DMTF1: variants seen among roughly 807,000 people sequenced by gnomAD.
The protein encoded by DMTF1 is cyclin D binding myb like transcription factor 1, also known as cyclin-D-binding Myb-like transcription factor 1.
In DMTF1, 39 loss-of-function variants were observed where a neutral mutation model predicts 91.1. The observed-to-expected ratio is 0.43, with a 90% CI of 0.33 to 0.56. The LOEUF (loss-of-function observed/expected upper bound fraction) is 0.56. DMTF1 is among the 20% of genes least tolerant of loss of function. The pLI, the probability that DMTF1 is intolerant of heterozygous loss-of-function variation, is 0.05. For missense variants in DMTF1, 750 were observed against 914.5 expected, an observed-to-expected ratio of 0.82 and a Z score of 2.32; for synonymous variants, 338 against 309.5, an observed-to-expected ratio of 1.09 and a Z score of -0.97.
At position 87,193,193 on chromosome 7, in the gene DMTF1, T is replaced by G. The variant is rs766521543; in HGVS notation, c.1495-5T>G. 6.2e-7 allele frequency: 1 copy of G among 1,612,888 alleles called. No homozygotes were observed. The highest frequency in any genetic ancestry group is 1.1e-5 in the South Asian group (1 of 91,022). The stretch of plus-strand genomic sequence containing the variant: ...TTGTTAAACTATCTTTCCTTTTTCC[T>G]TTAGTCTTTCCATCTACAGCCCACT... On this transcript the variant is annotated splice_polypyrimidine_tract_variant and splice_region_variant and intron_variant, in intron 14 of 17. Coordinates refer to ENST00000331242, the MANE Select transcript of DMTF1 (RefSeq NM_001142327.2).
At chr7:87,178,854 A>G (rs1156872003) in intron 7 of DMTF1, among the ~76,000 whole-genome samples, 1 of 151,172 alleles carries the variant, frequency 6.6e-6, no homozygotes, top group Non-Finnish European at 1.5e-5. Context: ...AATGTCATCT[A>G]TGTCATGTGG....
intron 12 of DMTF1, chr7:87,187,047 G>T (rs377372242): frequency 2.0e-5 from 3 of 152,148 alleles, no homozygotes; most frequent in African/African-American, 7.2e-5. Context: ...GAGATCTTAA[G>T]TTGGGTTTGC....
In DMTF1 at chr7:87,194,697, C is replaced by G. The variant is rs1309503420; in HGVS notation, c.2042C>G (p.Pro681Arg). Residue 681 changes from proline (P) to arginine (R), a missense_variant, in exon 17 of 18, where the codon CCC becomes CGC. Physicochemically the swap from Pro to Arg is moderately radical, Grantham distance 103 (BLOSUM62 -2). This residue lies in a region of DMTF1 where 410 missense variants were observed against 420.2 expected (regional missense o/e 0.98). Coordinates refer to ENST00000331242, the MANE Select transcript of DMTF1 (RefSeq NM_001142327.2). ...SAYVTEGLES[P>R]TIEEQVDQTI... ...AATGTTATTTAGGGTTTAGAGTCTC[C>G]CACTATAGAAGAACAAGTTGATCAA... is the stretch of plus-strand genomic sequence containing the variant. 1.2e-6 allele frequency: 2 copies of G among 1,606,844 alleles called. No homozygotes were observed. Among genetic ancestry groups the G allele is most frequent in the East Asian group, 4.5e-5 (2 of 44,682 alleles).
chr7:87,191,994 AC>A (rs1799929664), intron 14 of DMTF1, among the ~76,000 whole-genome samples: 1 of 152,098 alleles, frequency 6.6e-6, no homozygotes, highest in South Asian at 2.1e-4. Context: ...AGCTTACTTA[AC>A]CTAAGTCAGT....
rs536166135 is a variant in DMTF1, at chr7:87,176,551, G to A, written c.519+1882G>A. ...CTGTTTCAGTAGACCAACTGATTGTGGCAAAGGACTTAAACTACAGTGGTA... is the reference window on the plus strand; with the variant it reads ...CTGTTTCAGTAGACCAACTGATTGTAGCAAAGGACTTAAACTACAGTGGTA... On this transcript the variant is annotated intron_variant, in intron 7 of 17. Transcript: ENST00000331242. 9.9e-5 allele frequency among the ~76,000 whole-genome samples: 15 copies of A among 152,198 alleles called. No homozygotes were observed. The South Asian group carries it at 3.1e-3, about 32-fold the overall frequency.
intron 14 of DMTF1, 77 bp from the exon 15 acceptor site, chr7:87,193,119 TAG>T: frequency 1.4e-6 from 2 of 1,478,450 alleles, no homozygotes; most frequent in Non-Finnish European, 1.9e-6. Context: ...CATTTGTGTC[TAG>T]TAAACTAAAC....
At chr7:87,191,902 G>A (rs898499392) in intron 14 of DMTF1, among the ~76,000 whole-genome samples, 2 of 152,014 alleles carry the variant, frequency 1.3e-5, no homozygotes, top group East Asian at 1.9e-4. Flanking sequence ...AGAACACAGA[G>A]TTATTATTAG....
At chr7:87,178,195 A>G (rs967949633) in intron 7 of DMTF1, among the ~76,000 whole-genome samples, 1 of 152,102 alleles carries the variant, frequency 6.6e-6, no homozygotes, top group East Asian at 1.9e-4. Flanking sequence ...AACTTGCCTA[A>G]GTTCTGATGC....
intron 12 of DMTF1, chr7:87,187,156 T>C (rs1798635787): frequency 6.6e-6 from 1 of 152,232 alleles, no homozygotes. Context: ...ATTCCCCTTA[T>C]TATAGCACTC....
chr7:87,162,033 A>G (rs534806425), intron 1 of DMTF1, among the ~76,000 whole-genome samples: 6 of 152,342 alleles, frequency 3.9e-5, no homozygotes, highest in African/African-American at 1.4e-4. Flanking sequence ...AAAATTGGGA[A>G]CAACATAAAT....
intron 1 of DMTF1, among the ~76,000 whole-genome samples, chr7:87,160,814 A>G (rs181896343): frequency 7.5e-4 from 114 of 152,248 alleles, no homozygotes; most frequent in African/African-American, 2.7e-3. Flanking sequence ...TTTCTCCTGC[A>G]TCTCTCTAGC....
rs1801122540 is a variant in DMTF1 at position 87,195,870 on chromosome 7, C to T, written c.*730C>T. On this transcript the variant is annotated 3_prime_UTR_variant, in exon 18 of 18. Transcript: ENST00000331242. The stretch of plus-strand genomic sequence containing the variant: ...ACAAAGTTAGCACTTTGAAGTAAAA[C>T]TAAATGAGGAAGGAAGTAATGTTAC... 2 of 152,420 alleles carry T rather than the reference C, an allele frequency of 1.3e-5. No homozygotes were observed. Among genetic ancestry groups the T allele is most frequent in the Admixed American group, 1.3e-4 (2 of 15,244 alleles). The allele number at this position is 152,420 out of a possible 1,614,324, so 9.4% of individuals were successfully genotyped here.
intron 1 of DMTF1, among the ~76,000 whole-genome samples, chr7:87,157,979 A>G (rs1218048237): frequency 6.6e-6 from 1 of 152,098 alleles, no homozygotes; most frequent in Admixed American, 6.5e-5. Flanking sequence ...AAGAAATATG[A>G]TGCATTAAAG....
intron 1 of DMTF1, among the ~76,000 whole-genome samples, chr7:87,161,183 A>G (rs73206922): frequency 0.026 from 3,958 of 152,258 alleles, 79 homozygotes; most frequent in East Asian, 0.065. Flanking sequence ...ATAGGGGAAA[A>G]AAGGTGAGTC....
chr7:87,155,911 C>G (rs994552784), intron 1 of DMTF1, among the ~76,000 whole-genome samples: 2 of 152,120 alleles, frequency 1.3e-5, no homozygotes, highest in Admixed American at 1.3e-4. Context: ...GTCATTCTTC[C>G]AAGCACCAGT....
At chr7:87,179,766 AT>A in intron 8 of DMTF1, 64 bp downstream of exon 8, 4 of 1,429,888 alleles carry the variant, frequency 2.8e-6, no homozygotes, top group Non-Finnish European at 3.8e-6. Context: ...GGAACTGTCC[AT>A]TTTTTTAAAC....
At chr7:87,153,127 C>A (rs901113522) in intron 1 of DMTF1, among the ~76,000 whole-genome samples, 1 of 151,918 alleles carries the variant, frequency 6.6e-6, no homozygotes, top group African/African-American at 2.4e-5. Flanking sequence ...CTCGTTTGCG[C>A]TTTAGATTCT....
chr7:87,154,001 T>A (rs1790024203), intron 1 of DMTF1, among the ~76,000 whole-genome samples: 2 of 152,234 alleles, frequency 1.3e-5, no homozygotes, highest in Non-Finnish European at 2.9e-5. Context: ...CTTGAATAAT[T>A]TGCCATCACT....
At chr7:87,183,935 T>C (rs1275532991) in intron 10 of DMTF1, among the ~76,000 whole-genome samples, 2 of 152,206 alleles carry the variant, frequency 1.3e-5, no homozygotes, top group East Asian at 3.9e-4. Flanking sequence ...GTTGAGCCCA[T>C]TGGTGTAATT....
Sources: gnomAD v4.1 joint callset for allele counts (sites outside exome capture counted in the v4.1 genomes callset) on GRCh38, gnomAD v4.1.1 for gene constraint, gnomAD v4.1.1 regional missense constraint, MANE v1.5 for transcripts, NCBI Gene and HGNC (gene_info 2026-07-23, HGNC 2026-07-21) for gene names.